The following DYNC2H1 variants were observed in gnomAD, a reference collection of about 807,000 sequenced individuals.
The protein encoded by DYNC2H1 is dynein cytoplasmic 2 heavy chain 1, also known as cytoplasmic dynein 2 heavy chain 1.
A neutral mutation model predicts 570.0 loss-of-function variants in DYNC2H1; 410 were observed. That is an observed-to-expected ratio of 0.72 (90% CI 0.66 to 0.78). The LOEUF (loss-of-function observed/expected upper bound fraction) is 0.78, where lower values mean the gene tolerates loss of function less well. Ranked by LOEUF, DYNC2H1 falls within the 30% of genes least tolerant of loss-of-function variation. The pLI, the probability that DYNC2H1 is intolerant of heterozygous loss-of-function variation, is 0.00. For synonymous variants in DYNC2H1, 1,688 were observed against 1,677.6 expected (o/e 1.01, Z -0.15); for missense variants, 4,865 against 5,046.4 (o/e 0.96, Z 1.09).
intron 85 of DYNC2H1, among the ~76,000 whole-genome samples, chr11:103,438,955 G>A (rs541452126): frequency 2.0e-5 from 3 of 152,174 alleles, no homozygotes; most frequent in Admixed American, 6.6e-5. Context: ...TCCAGCCTGG[G>A]CAACAATGAG....
rs1428434356 is a variant in DYNC2H1, at chr11:103,165,937, G to A, written c.4651G>A (p.Val1551Ile). The A allele has an allele frequency of 6.6e-7, 1 of 1,511,928 alleles. No homozygotes were observed. The highest frequency in any genetic ancestry group is 8.8e-7 in the Non-Finnish European group (1 of 1,130,240). 93.7% of individuals were successfully genotyped at this position (1,511,928 alleles called of 1,614,324 possible). A position where few individuals can be genotyped will look rare whatever the true frequency, so the allele number is the denominator to read the frequency against. The stretch of plus-strand genomic sequence containing the variant: ...GGAGCAGATTAAATTCACTGAAGAT[G>A]TAGAAAATGCTATTAAAGATCATAG... Reference protein sequence around the residue: ...LAEQIKFTEDVENAIKDHSLH... With the variant: ...LAEQIKFTEDIENAIKDHSLH... The change falls in exon 31 of 89, where the codon GTA becomes ATA. Residue 1551 changes from valine (V) to isoleucine (I), a missense_variant. Val to Ile is a conservative substitution (Grantham distance 29). This residue lies in a region of DYNC2H1 where 1,936 missense variants were observed against 1,962.1 expected (regional missense o/e 0.99). Transcript: ENST00000375735.
intron 88 of DYNC2H1, among the ~76,000 whole-genome samples, chr11:103,469,089 C>T (rs1945286566): frequency 6.6e-6 from 1 of 152,106 alleles, no homozygotes; most frequent in Non-Finnish European, 1.5e-5. Flanking sequence ...TATTATTATT[C>T]CCACTTTCAA....
chr11:103,121,447 T>C lies in DYNC2H1; in HGVS notation c.1436T>C (p.Leu479Pro), dbSNP rs2134717952. The C allele has an allele frequency of 6.2e-7, 1 of 1,613,598 alleles. No homozygotes were observed. Among genetic ancestry groups the C allele is most frequent in the Non-Finnish European group, 8.5e-7 (1 of 1,179,674 alleles). ...TCTGGACCACTTTCTGGCAAAAATC[T>C]TTCAGAAGTTGTCAACAGTATAGTT... Reference protein sequence around the residue: ...DASGPLSGKNLSEVVNSIVWV... With the variant: ...DASGPLSGKNPSEVVNSIVWV... The change falls in exon 10 of 89, where the codon CTT becomes CCT. Residue 479 changes from leucine to proline, a missense_variant. Physicochemically the swap from Leu to Pro is moderately conservative, Grantham distance 98. This residue lies in a region of DYNC2H1 where 1,936 missense variants were observed against 1,962.1 expected (regional missense o/e 0.99). Coordinates refer to ENST00000375735, the MANE Select transcript of DYNC2H1 (RefSeq NM_001377.3).
intron 39 of DYNC2H1, among the ~76,000 whole-genome samples, chr11:103,179,912 TTTTA>T (rs1359775867): frequency 3.3e-5 from 5 of 151,840 alleles, no homozygotes; most frequent in African/African-American, 9.6e-5. Context: ...CTTTTCCAAT[TTTTA>T]TTTATCATAC....
At chr11:103,322,864 G>A (rs561148568) in intron 81 of DYNC2H1, among the ~76,000 whole-genome samples, 1 of 152,262 alleles carries the variant, frequency 6.6e-6, no homozygotes, top group African/African-American at 2.4e-5. Context: ...ATACACTCAT[G>A]TACATGTACA....
At chr11:103,447,114 A>G (rs79470367) in intron 85 of DYNC2H1, among the ~76,000 whole-genome samples, 22,384 of 152,134 alleles carry the variant, frequency 0.15, 1,871 homozygotes, top group East Asian at 0.26. Context: ...GTATTACCTG[A>G]GATTTCCTCC....
At position 103,280,229 on chromosome 11, in the gene DYNC2H1, TA is replaced by T. The variant is rs1264840132; in HGVS notation, c.10696-113del. ...TCTGAATAGTAATTTCTTACATCGA[TA>T]AAAAAGTAGGTCATATGAAGACAGA... On this transcript the variant is annotated intron_variant, in intron 70 of 88. Transcript: ENST00000375735. The surrounding 1 kb of genome is among the most constrained non-coding windows in gnomAD (Gnocchi z 4.7). 12 of 939,404 alleles carry T rather than the reference TA, an allele frequency of 1.3e-5. No homozygotes were observed. In the East Asian group the frequency reaches 2.1e-4, roughly 17 times the overall value. The allele number at this position is 939,404 out of a possible 1,614,324, so 58.2% of individuals were successfully genotyped here. A position where few individuals can be genotyped will look rare whatever the true frequency, so the allele number is the denominator to read the frequency against.
At chr11:103,132,649 GGT>G (rs5794209) in intron 13 of DYNC2H1, among the ~76,000 whole-genome samples, 127,735 of 148,532 alleles carry the variant, frequency 0.86, 55,043 homozygotes, top group African/African-American at 0.89. Flanking sequence ...GAGGGTTGGG[GGT>G]GTGTGTGTGT....
At chr11:103,343,308 C>T (rs548882299) in intron 82 of DYNC2H1, among the ~76,000 whole-genome samples, 47 of 152,288 alleles carry the variant, frequency 3.1e-4, no homozygotes, top group Admixed American at 3.9e-4. Context: ...TGGGTCCTAA[C>T]GCCTGTCAGA....
At chr11:103,449,810 TTTATAAGCTAA>T (rs1478771027) in intron 85 of DYNC2H1, among the ~76,000 whole-genome samples, 4 of 152,162 alleles carry the variant, frequency 2.6e-5, no homozygotes, top group Non-Finnish European at 5.9e-5. Context: ...AATATGGCAA[TTTATAAGCTAA>T]TTTTCTTCTA....
chr11:103,113,428 GTAAC>G lies in DYNC2H1; in HGVS notation c.196-106_196-103del, dbSNP rs1858208926. 5 of 812,102 alleles carry G rather than the reference GTAAC, an allele frequency of 6.2e-6. No individual in the cohort carries two copies. The East Asian group carries it at 1.0e-4, about 16-fold the overall frequency. 50.3% of individuals were successfully genotyped at this position (812,102 alleles called of 1,614,324 possible). A position where few individuals can be genotyped will look rare whatever the true frequency, so the allele number is the denominator to read the frequency against. On this transcript the variant is annotated intron_variant, in intron 1 of 88. Coordinates refer to ENST00000375735, the MANE Select transcript of DYNC2H1 (RefSeq NM_001377.3). Reference sequence around the variant, plus strand: ...TGGTTTTAATATATTTATTTTTAAAGTAACTATTTTTTTCCAAGAGGTATAATTA... The same window carrying G: ...TGGTTTTAATATATTTATTTTTAAAGTATTTTTTTCCAAGAGGTATAATTA...
At chr11:103,376,913 A>G (rs1190712695) in intron 83 of DYNC2H1, among the ~76,000 whole-genome samples, 2 of 152,102 alleles carry the variant, frequency 1.3e-5, no homozygotes, top group African/African-American at 2.4e-5. Flanking sequence ...TGGATGTTAC[A>G]TTGTTGACTG....
intron 59 of DYNC2H1, among the ~76,000 whole-genome samples, chr11:103,227,843 G>A (rs1863858779): frequency 6.6e-6 from 1 of 152,042 alleles, no homozygotes; most frequent in African/African-American, 2.4e-5. Context: ...AGTAGTAATT[G>A]TTTCATAAAT....
At chr11:103,474,901 T>C (rs1438387208) in intron 88 of DYNC2H1, among the ~76,000 whole-genome samples, 2 of 152,152 alleles carry the variant, frequency 1.3e-5, no homozygotes, top group African/African-American at 4.8e-5. Flanking sequence ...GAAAATTGCA[T>C]TGTCTTCTTT....
At chr11:103,436,497 AG>A (rs949002641) in intron 85 of DYNC2H1, among the ~76,000 whole-genome samples, 13 of 152,130 alleles carry the variant, frequency 8.5e-5, no homozygotes, top group Admixed American at 6.6e-4. Context: ...AACATGATAC[AG>A]GTTAGTTGAT....
Position 103,459,084 on chromosome 11 carries a change from C to T in DYNC2H1, c.12648+2728C>T, listed in dbSNP as rs998414045. On this transcript the variant is annotated intron_variant, in intron 87 of 88. Transcript: ENST00000375735. ...CAGCACTTTGGGAGGCCGAGGCGGG[C>T]GGATCACGAGGTCAGGAGATCGAGA... Among the ~76,000 whole-genome samples, 12 of 150,416 alleles carry T rather than the reference C, an allele frequency of 8.0e-5. No individual in the cohort carries two copies. The East Asian group carries it at 8.0e-4, about 10-fold the overall frequency.
chr11:103,136,627 G>A (rs1859572186), intron 17 of DYNC2H1, among the ~76,000 whole-genome samples: 1 of 152,116 alleles, frequency 6.6e-6, no homozygotes, highest in South Asian at 2.1e-4. Flanking sequence ...GTCTATCATT[G>A]TTGGACATTT....
chr11:103,255,053 G>A (rs2063674756), intron 66 of DYNC2H1, among the ~76,000 whole-genome samples: 1 of 152,100 alleles, frequency 6.6e-6, no homozygotes, highest in East Asian at 1.9e-4. Flanking sequence ...TTACAGGCGT[G>A]AGCTACCATG....
intron 17 of DYNC2H1, among the ~76,000 whole-genome samples, chr11:103,137,485 TC>T (rs1439180127): frequency 6.6e-6 from 1 of 152,200 alleles, no homozygotes; most frequent in East Asian, 1.9e-4. Context: ...AAATAGGGAA[TC>T]CTTTCCCCAT....
Sources: gnomAD v4.1 joint callset for allele counts (sites outside exome capture counted in the v4.1 genomes callset) on GRCh38, gnomAD v4.1.1 for gene constraint, gnomAD v4.1.1 regional missense constraint, Gnocchi (gnomAD v3.1) non-coding constraint, MANE v1.5 for transcripts, NCBI Gene and HGNC (gene_info 2026-07-23, HGNC 2026-07-21) for gene names.